LRCH1: variants seen among roughly 807,000 people sequenced by gnomAD.
The protein encoded by LRCH1 is leucine-rich repeat and calponin homology domain-containing protein 1.
LRCH1 carries 23 observed loss-of-function variants against 94.9 expected under a neutral mutation model. That is an observed-to-expected ratio of 0.24 (90% CI 0.17 to 0.34). LRCH1 has a LOEUF of 0.34. LRCH1 is among the 10% of genes least tolerant of loss of function. The pLI, the probability that LRCH1 is intolerant of heterozygous loss-of-function variation, is 1.00. For synonymous variants in LRCH1, 364 were observed against 354.9 expected, an observed-to-expected ratio of 1.03 and a Z score of -0.29; for missense variants, 790 against 945.9, an observed-to-expected ratio of 0.84 and a Z score of 2.16.
At chr13:46,637,271 A>G (rs1427717656) in intron 1 of LRCH1, among the ~76,000 whole-genome samples, 1 of 152,032 alleles carries the variant, frequency 6.6e-6, no homozygotes, top group Non-Finnish European at 1.5e-5. Context: ...ACCATCTTAC[A>G]TTGCTTGGGT....
At position 46,553,330 on chromosome 13, in the gene LRCH1, C is replaced by T; in HGVS notation, c.-67C>T. The T allele has an allele frequency of 1.5e-6, 2 of 1,358,416 alleles. No individual in the cohort carries two copies. The highest frequency in any genetic ancestry group is 2.7e-5 in the South Asian group (2 of 73,718). 84.1% of individuals were successfully genotyped at this position (1,358,416 alleles called of 1,614,324 possible). On this transcript the variant is annotated 5_prime_UTR_variant, in exon 1 of 20. Transcript: ENST00000389797. ...GCACTCAGCCCGAGCTGCCGTTTTC[C>T]CCTCGCGGGGAACGCTGTGACCCCC... is the stretch of plus-strand genomic sequence containing the variant.
At chr13:46,715,780 G>A in intron 16 of LRCH1, 116 bp downstream of exon 16, 1 of 678,760 alleles carries the variant, frequency 1.5e-6, no homozygotes, top group East Asian at 2.7e-5. Context: ...CTTGGTATGA[G>A]AAATAATGTG....
chr13:46,581,591 G>A (rs562596199), intron 1 of LRCH1, among the ~76,000 whole-genome samples: 14 of 152,280 alleles, frequency 9.2e-5, no homozygotes, highest in African/African-American at 2.9e-4. Context: ...TCTCATCCCC[G>A]TGTTAGATGT....
intron 1 of LRCH1, among the ~76,000 whole-genome samples, chr13:46,608,972 C>A (rs2050717749): frequency 6.6e-6 from 1 of 152,162 alleles, no homozygotes; most frequent in Non-Finnish European, 1.5e-5. Context: ...TGAGGGGAAG[C>A]ATGTATTATA....
chr13:46,706,619 C>A (rs1024118463), intron 13 of LRCH1, among the ~76,000 whole-genome samples: 1 of 152,046 alleles, frequency 6.6e-6, no homozygotes, highest in East Asian at 1.9e-4. Flanking sequence ...GATGAGATCT[C>A]GCTTTGTTGC....
intron 5 of LRCH1, among the ~76,000 whole-genome samples, chr13:46,686,446 A>G (rs1187853557): frequency 6.6e-6 from 1 of 152,118 alleles, no homozygotes; most frequent in Non-Finnish European, 1.5e-5. Context: ...CTTATGGCCT[A>G]CTGTCAAACA....
At position 46,657,692 on chromosome 13, in the gene LRCH1, A is replaced by ATTTTTTT. The variant is rs55823488; in HGVS notation, c.452+7357_452+7363dup. The stretch of plus-strand genomic sequence containing the variant: ...AGACGTGCGCCACCATGCCCAGCTA[A>ATTTTTTT]TTTTTTTTTTTTTTTTGGTAGAGAT... On this transcript the variant is annotated intron_variant, in intron 2 of 19. Coordinates refer to ENST00000389797, the MANE Select transcript of LRCH1 (RefSeq NM_001164211.2). Among the ~76,000 whole-genome samples, 16 of 46,918 alleles carry ATTTTTTT rather than the reference A, an allele frequency of 3.4e-4. 2 individuals are homozygous for ATTTTTTT. The highest frequency in any genetic ancestry group is 1.9e-3 in the Admixed American group (5 of 2,658). The allele number at this position is 46,918 out of a possible 152,430, so 30.8% of individuals were successfully genotyped here. A position where few individuals can be genotyped will look rare whatever the true frequency, so the allele number is the denominator to read the frequency against.
At chr13:46,681,699 G>A (rs2051752601) in intron 3 of LRCH1, 42 bp from the exon 4 acceptor site, 1 of 1,357,004 alleles carries the variant, frequency 7.4e-7, no homozygotes, top group Non-Finnish European at 1.1e-6. Context: ...TTGATTTCCT[G>A]GAAAAAGATG....
chr13:46,581,340 T>G (rs2050362651), intron 1 of LRCH1, among the ~76,000 whole-genome samples: 1 of 152,144 alleles, frequency 6.6e-6, no homozygotes, highest in Non-Finnish European at 1.5e-5. Flanking sequence ...AGGCTTCAAG[T>G]GAGGCTAGGT....
intron 19 of LRCH1, among the ~76,000 whole-genome samples, chr13:46,734,744 T>C (rs572904124): frequency 1.3e-4 from 20 of 152,360 alleles, no homozygotes; most frequent in Admixed American, 2.0e-4. Context: ...GGAGTAGCCA[T>C]ATAAATTGAG....
intron 4 of LRCH1, among the ~76,000 whole-genome samples, chr13:46,682,359 T>C (rs948048674): frequency 7.9e-5 from 12 of 152,106 alleles, no homozygotes; most frequent in Non-Finnish European, 1.5e-4. Context: ...AGAGCTGCCC[T>C]CATGACCTCA....
intron 2 of LRCH1, among the ~76,000 whole-genome samples, chr13:46,668,828 T>TC (rs1429787588): frequency 1.1e-5 from 1 of 93,112 alleles, no homozygotes; most frequent in Admixed American, 1.3e-4. Flanking sequence ...ATTTTTTATT[T>TC]TTTTTTAAAA....
chr13:46,714,233 G>A (rs899476729), intron 15 of LRCH1, among the ~76,000 whole-genome samples: 1 of 152,172 alleles, frequency 6.6e-6, no homozygotes, highest in African/African-American at 2.4e-5. Flanking sequence ...TCTTGTTGTT[G>A]AAAGCTCTAT....
At chr13:46,595,076 C>G (rs183481988) in intron 1 of LRCH1, among the ~76,000 whole-genome samples, 33 of 152,240 alleles carry the variant, frequency 2.2e-4, no homozygotes, top group Non-Finnish European at 2.9e-5. Flanking sequence ...GATGATCATT[C>G]TGGGGTTTGC....
chr13:46,634,859 G>T (rs1269970177), intron 1 of LRCH1, among the ~76,000 whole-genome samples: 1 of 152,152 alleles, frequency 6.6e-6, no homozygotes, highest in Non-Finnish European at 1.5e-5. Context: ...GGGCGGGAAG[G>T]GTTGGGAGGG....
rs754571214 is a variant in LRCH1, at chr13:46,687,877, T to C, written c.848T>C (p.Ile283Thr). 6.2e-7 allele frequency: 1 copy of C among 1,612,468 alleles called. No homozygotes were observed. Among genetic ancestry groups the C allele is most frequent in the South Asian group, 1.1e-5 (1 of 90,572 alleles). Residue 283 changes from isoleucine to threonine, a missense_variant, in exon 6 of 20, where the codon ATA becomes ACA. This residue lies in a region of LRCH1 where 194 missense variants were observed against 293.5 expected (regional missense o/e 0.66). Transcript: ENST00000389797. The part of the protein sequence containing the change: ...AQICTKGKVH[I>T]FKYLSIQACQ... ...ATTTGCACAAAGGGCAAAGTTCACA[T>C]ATTTAAGTATCTGAGCATACAAGCA...
rs140387781 is a variant in LRCH1, at chr13:46,562,649, G to A, written c.307+8946G>A. Among the ~76,000 whole-genome samples the A allele has an allele frequency of 3.9e-3, 595 of 152,172 alleles. 4 individuals carry two copies. The highest frequency in any genetic ancestry group is 0.026 in the South Asian group (124 of 4,816). ...TGGGGGTCATAATTCAGCCCATAAC[G>A]CCCACTGACTCACCCCTGCTGTAGC... is the stretch of plus-strand genomic sequence containing the variant. On this transcript the variant is annotated intron_variant, in intron 1 of 19. Coordinates refer to ENST00000389797, the MANE Select transcript of LRCH1 (RefSeq NM_001164211.2).
Position 46,734,964 on chromosome 13 carries a change from CTCCA to C in LRCH1, c.2085+970_2085+973del, listed in dbSNP as rs571929079. The stretch of plus-strand genomic sequence containing the variant: ...GACTTTTTTCCCTTTCCTTTTCTCT[CTCCA>C]TCCTTCCTTCCTTTTTTTTCCTTTC... On this transcript the variant is annotated intron_variant, in intron 19 of 19. Coordinates refer to ENST00000389797, the MANE Select transcript of LRCH1 (RefSeq NM_001164211.2). 2.7e-3 allele frequency among the ~76,000 whole-genome samples: 411 copies of C among 152,230 alleles called. 1 individual carries two copies. Among genetic ancestry groups the C allele is most frequent in the Middle Eastern group, 6.8e-3 (2 of 292 alleles).
chr13:46,637,128 G>A (rs1386015672), intron 1 of LRCH1, among the ~76,000 whole-genome samples: 1 of 152,132 alleles, frequency 6.6e-6, no homozygotes. Context: ...GCCAAAATTG[G>A]GAATCATAAT....
Sources: allele counts gnomAD v4.1 joint callset (sites outside exome capture counted in the v4.1 genomes callset), GRCh38; gene constraint gnomAD v4.1.1; regional missense constraint gnomAD v4.1.1; transcripts MANE v1.5; gene names NCBI Gene and HGNC (gene_info 2026-07-23, HGNC 2026-07-21).